The following TNIP1 variants were observed in gnomAD, a reference collection of about 807,000 sequenced individuals.
TNIP1 encodes TNFAIP3 interacting protein 1, also known as TNFAIP3-interacting protein 1.
A neutral mutation model predicts 86.6 loss-of-function variants in TNIP1; 22 were observed. The observed-to-expected ratio is 0.25, with a 90% CI of 0.18 to 0.36. TNIP1 has a LOEUF of 0.36. TNIP1 is among the 10% of genes least tolerant of loss of function. TNIP1 has a pLI of 1.00. For synonymous variants in TNIP1, 294 were observed against 313.0 expected, an observed-to-expected ratio of 0.94 and a Z score of 0.64; for missense variants, 709 against 820.6, an observed-to-expected ratio of 0.86 and a Z score of 1.66.
intron 9 of TNIP1, 131 bp downstream of exon 9, chr5:151,045,730 C>A: frequency 1.2e-6 from 1 of 818,760 alleles, no homozygotes; most frequent in South Asian, 1.5e-5. Flanking sequence ...GCAGGCAGGT[C>A]AGTGGTCACC....
intron 10 of TNIP1, 104 bp from the exon 11 acceptor site, chr5:151,042,775 C>G (rs1009877131): frequency 6.3e-7 from 1 of 1,594,540 alleles, no homozygotes; most frequent in Admixed American, 1.7e-5. Flanking sequence ...CTGCCCCCAA[C>G]TTCTCCTCTG....
chr5:151,063,691 C>A lies in TNIP1; in HGVS notation c.193G>T (p.Glu65Ter). The change falls in exon 3 of 18, where the codon GAG becomes TAG. Residue 65 changes from glutamate to a stop codon, truncating the protein, a stop_gained. Coordinates refer to ENST00000521591, the MANE Select transcript of TNIP1 (RefSeq NM_006058.5). LOFTEE classifies it high-confidence loss of function. ...AGCAGCTCGTTGTCCTTCACTAGCT[C>A]CTCTGCCTTCTGCCGGAGCCTGGTC... ...EATRLRQKAE[E>*]LVKDNELLPP... The A allele has an allele frequency of 6.2e-7, 1 of 1,614,124 alleles. No individual in the cohort carries two copies. Among genetic ancestry groups the A allele is most frequent in the South Asian group, 1.1e-5 (1 of 91,086 alleles).
chr5:151,080,885 G>C lies in TNIP1; in HGVS notation c.-42C>G, dbSNP rs1014328959. 6.6e-6 allele frequency: 1 copy of C among 152,340 alleles called. No homozygotes were observed. The highest frequency in any genetic ancestry group is 1.5e-5 in the Non-Finnish European group (1 of 68,148). The allele number at this position is 152,340 out of a possible 1,614,324, so 9.4% of individuals were successfully genotyped here. On this transcript the variant is annotated 5_prime_UTR_variant, in exon 1 of 18. Coordinates refer to ENST00000521591, the MANE Select transcript of TNIP1 (RefSeq NM_006058.5). ...CTCCGGGCCGGCCGGCTTACCCGAG[G>C]ACGGGGAGCTTGGGGACACAGCGCC...
chr5:151,059,569 G>GA (rs1663931407), intron 5 of TNIP1, among the ~76,000 whole-genome samples: 1 of 152,006 alleles, frequency 6.6e-6, no homozygotes, highest in Non-Finnish European at 1.5e-5. Context: ...AACAATTAAA[G>GA]AAAAAAACTT....
At chr5:151,049,704 G>C in intron 8 of TNIP1, 120 bp downstream of exon 8, 1 of 1,255,246 alleles carries the variant, frequency 8.0e-7, no homozygotes, top group South Asian at 1.3e-5. Flanking sequence ...GTAACAGCTA[G>C]AACCTTCTAC....
chr5:151,033,471 G>C, intron 16 of TNIP1, 137 bp downstream of exon 16: 1 of 565,382 alleles, frequency 1.8e-6, no homozygotes, highest in Non-Finnish European at 3.0e-6. Flanking sequence ...CCAGGCCCTG[G>C]ACACCCACCT....
intron 8 of TNIP1, among the ~76,000 whole-genome samples, chr5:151,049,312 G>A (rs1759591051): frequency 6.6e-6 from 1 of 152,048 alleles, no homozygotes; most frequent in South Asian, 2.1e-4. Context: ...AGGGGAGTGG[G>A]CCAGCCCTGC....
intron 8 of TNIP1, among the ~76,000 whole-genome samples, chr5:151,047,531 T>C (rs535414962): frequency 6.6e-6 from 1 of 152,140 alleles, no homozygotes; most frequent in Non-Finnish European, 1.5e-5. Flanking sequence ...CTGAATAAAG[T>C]CTGTAGTTTA....
At chr5:151,085,573 TGGA>T (rs1322556125), upstream of TNIP1, among the ~76,000 whole-genome samples, 1 of 152,230 alleles carries the variant, frequency 6.6e-6, no homozygotes, top group Non-Finnish European at 1.5e-5. Flanking sequence ...AGGGCACCAC[TGGA>T]GGAGAGGAAA....
intron 1 of TNIP1, among the ~76,000 whole-genome samples, chr5:151,067,963 AC>A (rs1220283927): frequency 1.3e-5 from 2 of 151,822 alleles, no homozygotes; most frequent in Non-Finnish European, 2.9e-5. Flanking sequence ...ACTGAAACCC[AC>A]CCCACGTCCT....
At chr5:151,035,522 C>A in intron 14 of TNIP1, 60 bp downstream of exon 14, 1 of 1,612,354 alleles carries the variant, frequency 6.2e-7, no homozygotes, top group Non-Finnish European at 8.5e-7. Flanking sequence ...CCCTCCAATC[C>A]ATGCCCCCTC....
At chr5:151,039,380 A>G (rs1198932905) in intron 11 of TNIP1, among the ~76,000 whole-genome samples, 155 bp from the exon 12 acceptor site, 1 of 152,174 alleles carries the variant, frequency 6.6e-6, no homozygotes, top group Admixed American at 6.5e-5. Context: ...AGTAATGTCC[A>G]TCCGGTCCTG....
In TNIP1 at chr5:151,062,207, C is replaced by G. The variant is rs766717200; in HGVS notation, c.277G>C (p.Asp93His). The G allele has an allele frequency of 1.7e-5, 27 of 1,613,952 alleles. No homozygotes were observed. The South Asian group carries it at 2.9e-4, about 17-fold the overall frequency. Reference sequence around the variant, plus strand: ...GTGGGAGATGCTGTGACATTTGAGTCCTTTCCTGGAGAATCAAGAAAGCAC... The same window carrying G: ...GTGGGAGATGCTGTGACATTTGAGTGCTTTCCTGGAGAATCAAGAAAGCAC... Reference protein sequence around the residue: ...FDPLAELTGKDSNVTASPTAP... With the variant: ...FDPLAELTGKHSNVTASPTAP... Residue 93 changes from aspartate to histidine, a missense_variant, in exon 4 of 18, where the codon GAC becomes CAC. Physicochemically the swap from Asp to His is moderately conservative, Grantham distance 81. Coordinates refer to ENST00000521591, the MANE Select transcript of TNIP1 (RefSeq NM_006058.5).
chr5:151,065,639 A>G lies in TNIP1; in HGVS notation c.-36-508T>C, dbSNP rs554225605. Reference sequence around the variant, plus strand: ...CCCCTCTCTGAGGGAGGGAAATGAAAGTCTTAAGTTAATTTAGTAATCTTT... The same window carrying G: ...CCCCTCTCTGAGGGAGGGAAATGAAGGTCTTAAGTTAATTTAGTAATCTTT... On this transcript the variant is annotated intron_variant, in intron 1 of 17. Coordinates refer to ENST00000521591, the MANE Select transcript of TNIP1 (RefSeq NM_006058.5). Among the ~76,000 whole-genome samples, 368 of 152,302 alleles carry G rather than the reference A, an allele frequency of 2.4e-3. 2 individuals are homozygous for G. Among genetic ancestry groups the G allele is most frequent in the African/African-American group, 8.6e-3 (359 of 41,568 alleles).
intron 1 of TNIP1, among the ~76,000 whole-genome samples, chr5:151,086,481 C>G (rs1477732201): frequency 6.6e-6 from 1 of 152,138 alleles, no homozygotes; most frequent in African/African-American, 2.4e-5. Flanking sequence ...ACTATGTTCC[C>G]CTGGAGGCAG....
At chr5:151,038,590 G>A (rs906752942) in intron 12 of TNIP1, among the ~76,000 whole-genome samples, 12 of 152,290 alleles carry the variant, frequency 7.9e-5, no homozygotes, top group East Asian at 5.8e-4. Flanking sequence ...CCCTCAGCCC[G>A]TGCTCCTCCA....
At chr5:151,037,460 C>T (rs1329536707) in intron 12 of TNIP1, 2 of 152,354 alleles carry the variant, frequency 1.3e-5, no homozygotes, top group African/African-American at 4.8e-5. Context: ...CTTCCATCCT[C>T]AACACTTATG....
chr5:151,042,447 C>A (rs993865844), intron 11 of TNIP1, 93 bp downstream of exon 11: 16 of 1,536,622 alleles, frequency 1.0e-5, no homozygotes, highest in Non-Finnish European at 1.4e-5. Context: ...ACCCCCGGGT[C>A]TCCTGACTCC....
At chr5:151,042,762 A>G in intron 10 of TNIP1, 91 bp from the exon 11 acceptor site, 4 of 1,596,950 alleles carry the variant, frequency 2.5e-6, no homozygotes, top group South Asian at 1.1e-5. Context: ...GGGCCCTCCA[A>G]CACTGCCCCC....
Sources: allele counts gnomAD v4.1 joint callset (sites outside exome capture counted in the v4.1 genomes callset), GRCh38; gene constraint gnomAD v4.1.1; transcripts MANE v1.5; gene names NCBI Gene and HGNC (gene_info 2026-07-23, HGNC 2026-07-21).